Variants in TLL1 observed in about 807,000 individuals in gnomAD.
TLL1 encodes the protein tolloid like 1.
In TLL1, 49 loss-of-function variants were observed where a neutral mutation model predicts 128.2. The observed-to-expected ratio is 0.38, with a 90% confidence interval of 0.30 to 0.48. The LOEUF (loss-of-function observed/expected upper bound fraction) is 0.48, where lower values mean the gene tolerates loss of function less well. Ranked by LOEUF, TLL1 falls within the 20% of genes least tolerant of loss-of-function variation. The probability of loss-of-function intolerance (pLI) is 0.96; values close to 1 mark genes in which losing one functional copy is unlikely to be tolerated. For missense variants in TLL1, 1,123 were observed against 1,242.0 expected (o/e 0.90, Z 1.44); for synonymous variants, 454 against 418.8 (o/e 1.08, Z -1.03).
intron 9 of TLL1, among the ~76,000 whole-genome samples, chr4:166,036,731 A>C (rs1200767874): frequency 6.6e-6 from 1 of 151,728 alleles, no homozygotes; most frequent in East Asian, 1.9e-4. Context: ...TTGGTGTTTA[A>C]ACTAGAAGAT....
At chr4:166,079,012 A>G (rs1579716005) in intron 18 of TLL1, among the ~76,000 whole-genome samples, 1 of 152,224 alleles carries the variant, frequency 6.6e-6, no homozygotes, top group African/African-American at 2.4e-5. Context: ...AGAAATTCAT[A>G]TTCTTAGTAT....
At chr4:166,097,665 A>C (rs893829512) in intron 19 of TLL1, among the ~76,000 whole-genome samples, 9 of 152,136 alleles carry the variant, frequency 5.9e-5, no homozygotes, top group African/African-American at 2.2e-4. Flanking sequence ...ACAAACCACA[A>C]TATGGGTAAA....
chr4:165,977,760 C>G (rs1302815806), intron 1 of TLL1, among the ~76,000 whole-genome samples: 1 of 152,030 alleles, frequency 6.6e-6, no homozygotes, highest in Admixed American at 6.6e-5. Flanking sequence ...AAGCATAAGA[C>G]AAATCTTACA....
At chr4:166,039,509 T>C (rs1739150446) in intron 10 of TLL1, 68 bp downstream of exon 10, 2 of 1,114,460 alleles carry the variant, frequency 1.8e-6, no homozygotes. Context: ...ACCAACCGAT[T>C]CTCTCAAGAG....
chr4:165,990,021 T>C (rs1579589616), intron 2 of TLL1, among the ~76,000 whole-genome samples: 1 of 151,854 alleles, frequency 6.6e-6, no homozygotes, highest in Non-Finnish European at 1.5e-5. Context: ...AGGAATAATA[T>C]TTGGAAAATT....
chr4:165,915,754 CAGGA>C (rs1732748990), intron 1 of TLL1, among the ~76,000 whole-genome samples: 1 of 152,160 alleles, frequency 6.6e-6, no homozygotes, highest in Non-Finnish European at 1.5e-5. Flanking sequence ...TTGATCTCAG[CAGGA>C]ATTGTAATTC....
chr4:166,038,664 T>A (rs1739106661), intron 9 of TLL1, among the ~76,000 whole-genome samples: 1 of 152,182 alleles, frequency 6.6e-6, no homozygotes, highest in South Asian at 2.1e-4. Context: ...GAGTTATCTT[T>A]ACGCAACAGC....
intron 12 of TLL1, among the ~76,000 whole-genome samples, chr4:166,050,608 T>C (rs759177547): frequency 1.3e-5 from 2 of 152,282 alleles, no homozygotes; most frequent in East Asian, 1.9e-4. Flanking sequence ...ATTTGTGCAA[T>C]GGTATATTGA....
chr4:165,979,903 G>T (rs530965579), intron 1 of TLL1, among the ~76,000 whole-genome samples: 2 of 152,100 alleles, frequency 1.3e-5, no homozygotes, highest in African/African-American at 2.4e-5. Flanking sequence ...AATACATCAT[G>T]ATTTCTAAAT....
rs190453501 is a variant in TLL1, at chr4:166,098,176, A to G, written c.2657-1101A>G. On this transcript the variant is annotated intron_variant, in intron 19 of 20. Coordinates refer to ENST00000061240, the MANE Select transcript of TLL1 (RefSeq NM_012464.5). ...TGATGAAACCCTGTCTCTACTAAAAATACAAAACATTAGCCACATGTGGTA... is the reference window on the plus strand; with the variant it reads ...TGATGAAACCCTGTCTCTACTAAAAGTACAAAACATTAGCCACATGTGGTA... Among the ~76,000 whole-genome samples, 58 of 152,122 alleles carry G rather than the reference A, an allele frequency of 3.8e-4. No individual in the cohort carries two copies. The East Asian group carries it at 0.011, about 29-fold the overall frequency.
At chr4:165,896,280 G>T (rs1231910198) in intron 1 of TLL1, among the ~76,000 whole-genome samples, 3 of 151,972 alleles carry the variant, frequency 2.0e-5, no homozygotes, top group Non-Finnish European at 2.9e-5. Context: ...TTTTATGGCT[G>T]CATATTATTC....
intron 1 of TLL1, among the ~76,000 whole-genome samples, chr4:165,952,471 C>T (rs1488205112): frequency 1.3e-5 from 2 of 152,020 alleles, no homozygotes; most frequent in African/African-American, 4.8e-5. Context: ...ATGAAGTAGA[C>T]AGGGAAGGAA....
At chr4:165,902,010 G>A (rs572982280) in intron 1 of TLL1, among the ~76,000 whole-genome samples, 9 of 152,234 alleles carry the variant, frequency 5.9e-5, no homozygotes, top group East Asian at 3.9e-4. Flanking sequence ...GGGTTCTGCC[G>A]AGTTCGAACT....
chr4:165,884,136 C>T (rs1264828002), intron 1 of TLL1, among the ~76,000 whole-genome samples: 3 of 152,104 alleles, frequency 2.0e-5, no homozygotes, highest in East Asian at 1.9e-4. Context: ...TAGATTTACC[C>T]GAGGGATTTA....
At chr4:165,992,377 C>T (rs1048521813) in intron 2 of TLL1, among the ~76,000 whole-genome samples, 4 of 151,996 alleles carry the variant, frequency 2.6e-5, no homozygotes, top group African/African-American at 9.7e-5. Flanking sequence ...CACATTTGCT[C>T]TTCTAATGTT....
chr4:165,984,665 G>C (rs1487650893), intron 1 of TLL1, among the ~76,000 whole-genome samples: 1 of 151,842 alleles, frequency 6.6e-6, no homozygotes, highest in African/African-American at 2.4e-5. Flanking sequence ...TTGAATCTTT[G>C]AGCTATCTCT....
At chr4:166,031,328 T>G (rs1481500495) in intron 9 of TLL1, among the ~76,000 whole-genome samples, 4 of 151,536 alleles carry the variant, frequency 2.6e-5, no homozygotes, top group Non-Finnish European at 4.4e-5. Context: ...AGATGTATCA[T>G]TTATAAATTT....
intron 1 of TLL1, among the ~76,000 whole-genome samples, chr4:165,947,019 T>C (rs1201232855): frequency 6.6e-6 from 1 of 152,076 alleles, no homozygotes; most frequent in East Asian, 1.9e-4. Flanking sequence ...ACTGAGAGTA[T>C]TACCTAGTGT....
At chr4:165,912,193 T>A (rs1242706616) in intron 1 of TLL1, among the ~76,000 whole-genome samples, 2 of 152,148 alleles carry the variant, frequency 1.3e-5, no homozygotes, top group Non-Finnish European at 2.9e-5. Context: ...AAGACAATAG[T>A]CTTTCTGTTG....
Sources: gnomAD v4.1 joint callset for allele counts (sites outside exome capture counted in the v4.1 genomes callset) on GRCh38, gnomAD v4.1.1 for gene constraint, MANE v1.5 for transcripts, NCBI Gene and HGNC (gene_info 2026-07-23, HGNC 2026-07-21) for gene names.